The following CNOT6 variants were observed in gnomAD, a reference collection of about 807,000 sequenced individuals.
The protein encoded by CNOT6 is carbon catabolite repression 4 protein.
A neutral mutation model predicts 61.2 loss-of-function variants in CNOT6; 12 were observed. The ratio of observed to expected loss-of-function variants is 0.20; its 90% CI spans 0.13 to 0.32. CNOT6 has a LOEUF of 0.32. Ranked by LOEUF, CNOT6 falls within the 10% of genes least tolerant of loss-of-function variation. The probability of loss-of-function intolerance (pLI) is 1.00; values close to 1 mark genes in which losing one functional copy is unlikely to be tolerated. For missense variants in CNOT6, 405 were observed against 663.9 expected (o/e 0.61, Z 4.28); for synonymous variants, 225 against 240.6 (o/e 0.94, Z 0.60).
chr5:180,549,148 T>C (rs186993129), intron 2 of CNOT6, among the ~76,000 whole-genome samples: 4 of 152,320 alleles, frequency 2.6e-5, no homozygotes, highest in Admixed American at 2.0e-4. Context: ...ATCACTAGGG[T>C]ACTCAGTTCT....
chr5:180,504,955 A>ATTTTTTTTTTTTTTTTTTT (rs769852255), intron 1 of CNOT6, among the ~76,000 whole-genome samples: 1 of 101,492 alleles, frequency 9.9e-6, no homozygotes, highest in African/African-American at 3.9e-5. Flanking sequence ...GTACTAGTTA[A>ATTTTTTTTTTTTTTTTTTT]TTTTTTTTTT....
intron 1 of CNOT6, among the ~76,000 whole-genome samples, chr5:180,523,140 A>T (rs921994660): frequency 2.0e-5 from 3 of 152,222 alleles, no homozygotes; most frequent in South Asian, 2.1e-4. Flanking sequence ...TATGCTGGAG[A>T]ATTGCTTGGT....
chr5:180,555,114 C>T, intron 4 of CNOT6, among the ~76,000 whole-genome samples: 1 of 151,548 alleles, frequency 6.6e-6, no homozygotes, highest in Non-Finnish European at 1.5e-5. Context: ...TGAAGCAATT[C>T]TTCTGCTTCA....
chr5:180,502,884 C>A (rs926491921), intron 1 of CNOT6, among the ~76,000 whole-genome samples: 3 of 152,178 alleles, frequency 2.0e-5, no homozygotes, highest in Non-Finnish European at 2.9e-5. Flanking sequence ...TAAGTAAACA[C>A]TTCAGCATCA....
intron 1 of CNOT6, among the ~76,000 whole-genome samples, chr5:180,519,458 C>T (rs924072657): frequency 2.0e-5 from 3 of 152,144 alleles, no homozygotes; most frequent in Non-Finnish European, 4.4e-5. Flanking sequence ...TGTATGTTTC[C>T]TTAGTAATTG....
intron 2 of CNOT6, among the ~76,000 whole-genome samples, chr5:180,532,053 G>A (rs1758419156): frequency 6.6e-6 from 1 of 152,180 alleles, no homozygotes; most frequent in Non-Finnish European, 1.5e-5. Context: ...GTTCAGCTCA[G>A]TAAGTAGGTG....
intron 1 of CNOT6, among the ~76,000 whole-genome samples, chr5:180,505,148 G>C (rs1052325577): frequency 2.0e-5 from 3 of 147,990 alleles, no homozygotes; most frequent in African/African-American, 5.0e-5. Flanking sequence ...TTTTAGTAGA[G>C]ACGGGGTTTC....
intron 2 of CNOT6, among the ~76,000 whole-genome samples, chr5:180,546,918 T>G (rs1374413438): frequency 1.3e-5 from 2 of 152,254 alleles, no homozygotes; most frequent in East Asian, 3.8e-4. Context: ...TGATGAGATA[T>G]CTTGGGGTTG....
At chr5:180,541,440 A>ATTTTTTT (rs1176286473) in intron 2 of CNOT6, among the ~76,000 whole-genome samples, 3,442 of 102,466 alleles carry the variant, frequency 0.034, 635 homozygotes, top group Non-Finnish European at 0.045. Flanking sequence ...CTGGCCAAGA[A>ATTTTTTT]ATTTTTTTTT....
At chr5:180,534,584 G>A (rs1246445423) in intron 2 of CNOT6, 1 of 155,532 alleles carries the variant, frequency 6.4e-6, no homozygotes, top group East Asian at 1.9e-4. Context: ...ATTCCCTTTT[G>A]GGTGCGCAAG....
chr5:180,516,757 G>A (rs2127708960), intron 1 of CNOT6, among the ~76,000 whole-genome samples: 1 of 152,260 alleles, frequency 6.6e-6, no homozygotes, highest in South Asian at 2.1e-4. Flanking sequence ...CATTGCATCT[G>A]ATTATATTCC....
chr5:180,574,385 A>G lies in CNOT6; in HGVS notation c.*185A>G, dbSNP rs1167546288. 1.5e-5 allele frequency: 9 copies of G among 609,348 alleles called. No individual in the cohort carries two copies. Among genetic ancestry groups the G allele is most frequent in the Middle Eastern group, 4.3e-4 (1 of 2,302 alleles). The allele number at this position is 609,348 out of a possible 1,614,324, so 37.7% of individuals were successfully genotyped here. On this transcript the variant is annotated 3_prime_UTR_variant, in exon 12 of 12. Coordinates refer to ENST00000261951, the MANE Select transcript of CNOT6 (RefSeq NM_001370472.1). ...TAGCAACAGACAAATTCTGAGCCCAATATGCTTTATACTGCTAGACAGGGA... is the reference window on the plus strand; with the variant it reads ...TAGCAACAGACAAATTCTGAGCCCAGTATGCTTTATACTGCTAGACAGGGA...
At chr5:180,541,266 G>T (rs1759019132) in intron 2 of CNOT6, among the ~76,000 whole-genome samples, 2 of 151,456 alleles carry the variant, frequency 1.3e-5, no homozygotes, top group Admixed American at 1.3e-4. Flanking sequence ...AGCCTCCTGA[G>T]TAGCTGGGAT....
At position 180,574,406 on chromosome 5, in the gene CNOT6, A is replaced by G. The variant is rs1402205499; in HGVS notation, c.*206A>G. 1.9e-5 allele frequency: 11 copies of G among 591,154 alleles called. No homozygotes were observed. The highest frequency in any genetic ancestry group is 1.4e-4 in the East Asian group (5 of 35,436). The allele number at this position is 591,154 out of a possible 1,614,324, so 36.6% of individuals were successfully genotyped here. On this transcript the variant is annotated 3_prime_UTR_variant, in exon 12 of 12. Transcript: ENST00000261951. ...CCCAATATGCTTTATACTGCTAGACAGGGATTGGTGTGTTTGCACCTGTCT... is the reference window on the plus strand; with the variant it reads ...CCCAATATGCTTTATACTGCTAGACGGGGATTGGTGTGTTTGCACCTGTCT...
rs566600240 is a variant in CNOT6 at position 180,496,055 on chromosome 5, G to A, written c.-3+1292G>A. On this transcript the variant is annotated intron_variant, in intron 1 of 11. Coordinates refer to ENST00000261951, the MANE Select transcript of CNOT6 (RefSeq NM_001370472.1). Reference sequence around the variant, plus strand: ...ACCCTCCTGACTAGCTGGGACTACCGGCAGACACCACCACGGCTAATTTTT... The same window carrying A: ...ACCCTCCTGACTAGCTGGGACTACCAGCAGACACCACCACGGCTAATTTTT... Among the ~76,000 whole-genome samples, 4 of 152,180 alleles carry A rather than the reference G, an allele frequency of 2.6e-5. No homozygotes were observed. The South Asian group carries it at 8.3e-4, about 32-fold the overall frequency.
chr5:180,567,751 A>G (rs1760536400), intron 8 of CNOT6, 98 bp from the exon 9 acceptor site: 20 of 1,523,010 alleles, frequency 1.3e-5, no homozygotes, highest in East Asian at 2.3e-5. Context: ...GTGCCATCGT[A>G]TCTGTTAAGG....
rs145144360 is a variant in CNOT6 at position 180,575,452 on chromosome 5, TTTGTTGTTG to T, written c.*1267_*1275del. 3 of 152,058 alleles carry T rather than the reference TTTGTTGTTG, an allele frequency of 2.0e-5. No homozygotes were observed. Among genetic ancestry groups the T allele is most frequent in the Non-Finnish European group, 4.4e-5 (3 of 67,972 alleles). The allele number at this position is 152,058 out of a possible 1,614,324, so 9.4% of individuals were successfully genotyped here. A position where few individuals can be genotyped will look rare whatever the true frequency, so the allele number is the denominator to read the frequency against. ...TCGTCAGTGTCTTTTCCTTAGTCTTTTTGTTGTTGTTGTTGTTGTTGTTTTAATCATTCC... is the reference window on the plus strand; with the variant it reads ...TCGTCAGTGTCTTTTCCTTAGTCTTTTTGTTGTTGTTGTTTTAATCATTCC... On this transcript the variant is annotated 3_prime_UTR_variant, in exon 12 of 12. Coordinates refer to ENST00000261951, the MANE Select transcript of CNOT6 (RefSeq NM_001370472.1).
chr5:180,556,917 C>T (rs529120592), intron 4 of CNOT6, among the ~76,000 whole-genome samples: 1 of 151,592 alleles, frequency 6.6e-6, no homozygotes, highest in African/African-American at 2.4e-5. Flanking sequence ...GATCGTGCCA[C>T]TGCACTCCAG....
Position 180,569,186 on chromosome 5 carries a change from C to T in CNOT6, c.1104C>T (p.Tyr368=), listed in dbSNP as rs760356809. 8 of 1,614,034 alleles carry T rather than the reference C, an allele frequency of 5.0e-6. No individual in the cohort carries two copies. In the Admixed American group the frequency reaches 1.0e-4, roughly 20 times the overall value. Residue 368 remains tyrosine, a synonymous_variant, in exon 10 of 12, where the codon TAC becomes TAT. Transcript: ENST00000261951. ...CCCACATGCATTGGGACCCTGAATA[C>T]TCTGATGTGAAGTTGGTACAAACTA... ...ANAHMHWDPE[Y]SDVKLVQTMM... is the part of the protein sequence containing the mutation.
Sources: allele counts gnomAD v4.1 joint callset (sites outside exome capture counted in the v4.1 genomes callset), GRCh38; gene constraint gnomAD v4.1.1; transcripts MANE v1.5; gene names NCBI Gene and HGNC (gene_info 2026-07-23, HGNC 2026-07-21).